Variants in DUSP16 observed in about 807,000 individuals in gnomAD.
The protein encoded by DUSP16 is dual specificity protein phosphatase 16.
A neutral mutation model predicts 58.3 loss-of-function variants in DUSP16; 21 were observed. The ratio of observed to expected loss-of-function variants is 0.36; its 90% confidence interval spans 0.26 to 0.52. The LOEUF (loss-of-function observed/expected upper bound fraction) is 0.52. Ranked by LOEUF, DUSP16 falls within the 20% of genes least tolerant of loss-of-function variation. DUSP16 has a pLI of 0.94. For missense variants in DUSP16, 726 were observed against 819.0 expected, an observed-to-expected ratio of 0.89 and a Z score of 1.39; for synonymous variants, 320 against 323.8, an observed-to-expected ratio of 0.99 and a Z score of 0.12.
At chr12:12,548,506 C>T (rs948446295) in intron 1 of DUSP16, among the ~76,000 whole-genome samples, 3 of 151,664 alleles carry the variant, frequency 2.0e-5, no homozygotes, top group African/African-American at 7.3e-5. Flanking sequence ...GTGGCACGTG[C>T]CTGTAATCCC....
At chr12:12,558,353 T>C (rs1459822748) in intron 1 of DUSP16, among the ~76,000 whole-genome samples, 1 of 152,078 alleles carries the variant, frequency 6.6e-6, no homozygotes, top group African/African-American at 2.4e-5. Context: ...GCTCATAATT[T>C]ACCCTATCAA....
At chr12:12,543,359 T>A (rs1355633372) in intron 1 of DUSP16, among the ~76,000 whole-genome samples, 1 of 152,152 alleles carries the variant, frequency 6.6e-6, no homozygotes, top group Non-Finnish European at 1.5e-5. Flanking sequence ...CATATATAAA[T>A]ATGAAGAGAG....
In DUSP16 at chr12:12,477,579, G is replaced by A. The variant is rs536844023; in HGVS notation, c.1252C>T (p.His418Tyr). 34 of 1,613,970 alleles carry A rather than the reference G, an allele frequency of 2.1e-5. No individual in the cohort carries two copies. The highest frequency in any genetic ancestry group is 1.6e-4 in the Middle Eastern group (1 of 6,084). Reference sequence around the variant, plus strand: ...GCATCTTCTGATGAGGAGAAGCCATGTAAGGATGCTGCCATGCTGGCTGAA... The same window carrying A: ...GCATCTTCTGATGAGGAGAAGCCATATAAGGATGCTGCCATGCTGGCTGAA... Reference protein sequence around the residue: ...SYSASMAASLHGFSSSEDALE... With the variant: ...SYSASMAASLYGFSSSEDALE... Residue 418 changes from histidine (H) to tyrosine (Y), a missense_variant, in exon 7 of 7, where the codon CAT (histidine) becomes TAT (tyrosine). Physicochemically the swap from His to Tyr is moderately conservative, Grantham distance 83 (BLOSUM62 2). Transcript: ENST00000298573. The surrounding 1 kb of genome is among the most constrained non-coding windows in gnomAD (Gnocchi z 4.1).
chr12:12,538,472 T>C (rs1360296531), intron 1 of DUSP16, among the ~76,000 whole-genome samples: 2 of 152,238 alleles, frequency 1.3e-5, no homozygotes, highest in African/African-American at 4.8e-5. Context: ...AAAGTCACAC[T>C]ATTCATCAGT....
rs551127615 is a variant in DUSP16 at position 12,511,422 on chromosome 12, T to C, written c.367+8440A>G. On this transcript the variant is annotated intron_variant, in intron 3 of 6. Transcript: ENST00000298573. ...TGATCTCATGTCCTCTCAATTCCCA[T>C]TTCTCTCCTTCACAAAAAATCCACT... is the stretch of plus-strand genomic sequence containing the variant. 2.6e-5 allele frequency among the ~76,000 whole-genome samples: 4 copies of C among 152,242 alleles called. No homozygotes were observed. In the South Asian group the frequency reaches 8.3e-4, roughly 32 times the overall value.
chr12:12,562,131 A>C lies in DUSP16; in HGVS notation c.-380T>G, dbSNP rs1944913691. 6.7e-6 allele frequency: 1 copy of C among 149,528 alleles called. No homozygotes were observed. Among genetic ancestry groups the C allele is most frequent in the Admixed American group, 6.6e-5 (1 of 15,100 alleles). The allele number at this position is 149,528 out of a possible 1,614,324, so 9.3% of individuals were successfully genotyped here. ...AGGCCACTTACTTTTGGGGCCGCCG[A>C]CCTCCCAATTCCCTCAGAGGGAAAC... On this transcript the variant is annotated 5_prime_UTR_variant, in exon 1 of 7. Coordinates refer to ENST00000298573, the MANE Select transcript of DUSP16 (RefSeq NM_030640.3).
intron 4 of DUSP16, chr12:12,491,343 A>C (rs1211190776): frequency 6.6e-6 from 1 of 151,910 alleles, no homozygotes; most frequent in Non-Finnish European, 1.5e-5. Flanking sequence ...GTGCCACCAT[A>C]CCTGACTCAT....
chr12:12,493,267 C>A (rs1240656459), intron 4 of DUSP16, among the ~76,000 whole-genome samples: 1 of 152,104 alleles, frequency 6.6e-6, no homozygotes, highest in Non-Finnish European at 1.5e-5. Context: ...CTCCTTGACA[C>A]CTCTCTTTTT....
chr12:12,526,890 A>G (rs1404160043), intron 1 of DUSP16, among the ~76,000 whole-genome samples: 1 of 152,092 alleles, frequency 6.6e-6, no homozygotes, highest in East Asian at 1.9e-4. Flanking sequence ...GCCCTAAAAC[A>G]CCCACTCCCA....
rs1420720384 is a variant in DUSP16, at chr12:12,515,571, G to T, written c.367+4291C>A. ...ACGAACTCCCAACCTCAGGTGATCC[G>T]CCCGCCTCGGCCTCCCAAAGTGCTG... On this transcript the variant is annotated intron_variant, in intron 3 of 6. Transcript: ENST00000298573. Among the ~76,000 whole-genome samples the T allele has an allele frequency of 2.0e-5, 3 of 151,218 alleles. No individual in the cohort carries two copies. The South Asian group carries it at 6.3e-4, about 32-fold the overall frequency.
At chr12:12,538,774 C>T (rs774470480) in intron 1 of DUSP16, among the ~76,000 whole-genome samples, 3 of 152,210 alleles carry the variant, frequency 2.0e-5, no homozygotes, top group South Asian at 2.1e-4. Context: ...GAGGAACCCT[C>T]GAAGCAAATG....
chr12:12,538,639 T>C (rs1167693028), intron 1 of DUSP16, among the ~76,000 whole-genome samples: 1 of 152,168 alleles, frequency 6.6e-6, no homozygotes, highest in Non-Finnish European at 1.5e-5. Flanking sequence ...ACTTAATGGG[T>C]GTGGCTGTGG....
chr12:12,521,738 C>A (rs866541174), intron 1 of DUSP16, among the ~76,000 whole-genome samples: 60 of 152,136 alleles, frequency 3.9e-4, no homozygotes, highest in African/African-American at 1.4e-3. Context: ...GGGCTCAGAA[C>A]TAAATGACCT....
chr12:12,488,736 C>G (rs1943719730), intron 4 of DUSP16, among the ~76,000 whole-genome samples: 1 of 152,180 alleles, frequency 6.6e-6, no homozygotes, highest in Non-Finnish European at 1.5e-5. Flanking sequence ...GTTCCCTAAT[C>G]TCTTCATTTA....
chr12:12,532,256 A>G (rs984522080), intron 1 of DUSP16, among the ~76,000 whole-genome samples: 5 of 152,230 alleles, frequency 3.3e-5, no homozygotes, highest in African/African-American at 1.2e-4. Context: ...GCCTACATGT[A>G]TAAGAAAGGG....
chr12:12,548,656 A>G (rs1944684418), intron 1 of DUSP16, among the ~76,000 whole-genome samples: 1 of 150,142 alleles, frequency 6.7e-6, no homozygotes, highest in African/African-American at 2.4e-5. Context: ...AAGAAAAAGA[A>G]AAAGAAAAAG....
chr12:12,546,169 G>A (rs931928287), intron 1 of DUSP16, among the ~76,000 whole-genome samples: 2 of 152,120 alleles, frequency 1.3e-5, no homozygotes, highest in South Asian at 4.1e-4. Flanking sequence ...ATTTGGGGGG[G>A]AAATTCTGCA....
At chr12:12,497,664 A>G (rs1480375582) in intron 4 of DUSP16, among the ~76,000 whole-genome samples, 1 of 134,634 alleles carries the variant, frequency 7.4e-6, no homozygotes, top group African/African-American at 2.5e-5. Flanking sequence ...GTGGCACTTC[A>G]TTTAAAAAAA....
At chr12:12,515,528 A>T (rs1023168544) in intron 3 of DUSP16, among the ~76,000 whole-genome samples, 3 of 151,952 alleles carry the variant, frequency 2.0e-5, no homozygotes, top group African/African-American at 7.3e-5. Flanking sequence ...GGGTTTCTCC[A>T]CATTGGTCAG....
Sources: gnomAD v4.1 joint callset for allele counts (sites outside exome capture counted in the v4.1 genomes callset) on GRCh38, gnomAD v4.1.1 for gene constraint, Gnocchi (gnomAD v3.1) non-coding constraint, MANE v1.5 for transcripts, NCBI Gene and HGNC (gene_info 2026-07-23, HGNC 2026-07-21) for gene names.